The following SAG variants were observed in gnomAD, a reference collection of about 807,000 sequenced individuals.
SAG encodes S-arrestin.
SAG carries 45 observed loss-of-function variants against 55.0 expected under a neutral mutation model. The ratio of observed to expected loss-of-function variants is 0.82; its 90% CI spans 0.64 to 1.05. The LOEUF (loss-of-function observed/expected upper bound fraction) is 1.05, where lower values mean the gene tolerates loss of function less well. SAG is among the 50% of genes least tolerant of loss of function. SAG has a pLI of 0.00. For missense variants in SAG, 455 were observed against 512.1 expected, an observed-to-expected ratio of 0.89 and a Z score of 1.08; for synonymous variants, 189 against 197.4, an observed-to-expected ratio of 0.96 and a Z score of 0.36.
At chr2:233,315,480 A>G (rs1177421357) in intron 2 of SAG, among the ~76,000 whole-genome samples, 1 of 151,060 alleles carries the variant, frequency 6.6e-6, no homozygotes, top group African/African-American at 2.4e-5. Flanking sequence ...TTTAGTAGAG[A>G]CAGGGTTTCG....
chr2:233,327,744 T>G (rs895020688), intron 7 of SAG: 4 of 152,464 alleles, frequency 2.6e-5, no homozygotes, highest in Non-Finnish European at 4.4e-5. Context: ...AGAGATGGGT[T>G]TCACCATGTT....
In SAG at chr2:233,338,463, G is replaced by A. The variant is rs575856864; in HGVS notation, c.945-213G>A. ...GCTCTGCCCTCTGGGAACTTCTAGA[G>A]GAGAAGACACAGGAATTCCTCCAGT... On this transcript the variant is annotated intron_variant, in intron 11 of 15. Transcript: ENST00000409110. The A allele has an allele frequency of 5.3e-5, 31 of 584,152 alleles. 1 individual carries two copies. In the South Asian group the frequency reaches 6.1e-4, roughly 12 times the overall value. The allele number at this position is 584,152 out of a possible 1,614,324, so 36.2% of individuals were successfully genotyped here. A position where few individuals can be genotyped will look rare whatever the true frequency, so the allele number is the denominator to read the frequency against.
At chr2:233,339,680 C>T (rs1559453304) in intron 12 of SAG, among the ~76,000 whole-genome samples, 1 of 124,076 alleles carries the variant, frequency 8.1e-6, no homozygotes, top group East Asian at 2.1e-4. Context: ...TAGGGCTTGA[C>T]TTTTTTTTTT....
Position 233,342,319 on chromosome 2 carries a change from G to T in SAG, c.1095G>T (p.Glu365Asp), listed in dbSNP as rs1701130170. The change falls in exon 14 of 16, where the codon GAG becomes GAT. Residue 365 changes from glutamate to aspartate, a missense_variant. Glu to Asp is a conservative substitution (Grantham distance 45). Transcript: ENST00000409110. ...TCCGCCTCATGCACCCTCAGCCTGA[G>T]GACCCAGGTCAGTTATGTCCTTTTT... ...VPFRLMHPQP[E>D]DPAKESYQDA... 6.2e-7 allele frequency: 1 copy of T among 1,606,864 alleles called. No individual in the cohort carries two copies. The highest frequency in any genetic ancestry group is 8.5e-7 in the Non-Finnish European group (1 of 1,176,170).
At chr2:233,342,479 G>C (rs1701134497) in intron 14 of SAG, 153 bp downstream of exon 14, 1 of 687,860 alleles carries the variant, frequency 1.5e-6, no homozygotes, top group Non-Finnish European at 2.6e-6. Flanking sequence ...TAGTCTGGGG[G>C]GAAGGGAGGG....
intron 3 of SAG, 94 bp from the exon 4 acceptor site, chr2:233,318,657 C>T (rs1238329144): frequency 9.6e-7 from 1 of 1,046,012 alleles, no homozygotes; most frequent in Non-Finnish European, 1.5e-6. Context: ...ACATGGATTA[C>T]ATGTGTAATT....
chr2:233,318,613 C>A (rs936127785), intron 3 of SAG, 138 bp from the exon 4 acceptor site: 2 of 736,458 alleles, frequency 2.7e-6, no homozygotes, highest in South Asian at 3.5e-5. Flanking sequence ...GACTTTTTTC[C>A]CTTTGCCTGA....
chr2:233,318,459 C>T (rs564083298), intron 3 of SAG, among the ~76,000 whole-genome samples: 1 of 152,262 alleles, frequency 6.6e-6, no homozygotes, highest in East Asian at 1.9e-4. Context: ...TCTCGAACTC[C>T]TAGGCTCGAG....
intron 3 of SAG, 120 bp downstream of exon 3, chr2:233,316,255 C>T: frequency 1.7e-6 from 1 of 575,420 alleles, no homozygotes; most frequent in South Asian, 2.3e-5. Context: ...CAAATTAAAA[C>T]ATCAGTGAGG....
chr2:233,315,847 C>T (rs1465778993), intron 2 of SAG, among the ~76,000 whole-genome samples: 1 of 151,828 alleles, frequency 6.6e-6, no homozygotes, highest in Non-Finnish European at 1.5e-5. Context: ...GGACTACAGG[C>T]GCGTGCCACC....
rs753537233 is a variant in SAG, at chr2:233,318,862, G to A, written c.181+67G>A. 5 of 1,380,408 alleles carry A rather than the reference G, an allele frequency of 3.6e-6. No homozygotes were observed. The East Asian group carries it at 1.1e-4, about 32-fold the overall frequency. 85.5% of individuals were successfully genotyped at this position (1,380,408 alleles called of 1,614,324 possible). A position where few individuals can be genotyped will look rare whatever the true frequency, so the allele number is the denominator to read the frequency against. On this transcript the variant is annotated intron_variant, in intron 4 of 15. Coordinates refer to ENST00000409110, the MANE Select transcript of SAG (RefSeq NM_000541.5). ...GTGGACTGCTCTCTGGGCGGCTCTGGGAAGGGGCATTTACATGGAAGGAGA... is the reference window on the plus strand; with the variant it reads ...GTGGACTGCTCTCTGGGCGGCTCTGAGAAGGGGCATTTACATGGAAGGAGA...
chr2:233,310,647 C>A (rs751215642), intron 2 of SAG, among the ~76,000 whole-genome samples: 6 of 151,890 alleles, frequency 4.0e-5, no homozygotes, highest in African/African-American at 1.5e-4. Context: ...GCTGGGACTA[C>A]AGGCATGTGC....
At chr2:233,328,124 C>T (rs984386232) in intron 7 of SAG, 21 of 201,048 alleles carry the variant, frequency 1.0e-4, no homozygotes, top group African/African-American at 3.7e-4. Flanking sequence ...TAATGGAGCT[C>T]GCATGTATAT....
At chr2:233,322,890 C>T in intron 5 of SAG, 56 bp from the exon 6 acceptor site, 1 of 1,018,120 alleles carries the variant, frequency 9.8e-7, no homozygotes, top group Admixed American at 2.4e-5. Context: ...TTATATATTA[C>T]TTAATGGAAC....
intron 2 of SAG, among the ~76,000 whole-genome samples, chr2:233,315,825 C>T (rs914225940): frequency 4.0e-5 from 6 of 151,808 alleles, no homozygotes; most frequent in Non-Finnish European, 5.9e-5. Flanking sequence ...GCCTCAGCCT[C>T]TTGAGTAGCT....
intron 9 of SAG, among the ~76,000 whole-genome samples, chr2:233,330,952 C>T (rs1700741466): frequency 6.6e-6 from 1 of 152,080 alleles, no homozygotes; most frequent in Non-Finnish European, 1.5e-5. Flanking sequence ...TGGTTCACGC[C>T]TGTAATCCCA....
In SAG at chr2:233,320,052, G is replaced by T. The variant is rs920402529; in HGVS notation, c.182-578G>T. On this transcript the variant is annotated intron_variant, in intron 4 of 15. Coordinates refer to ENST00000409110, the MANE Select transcript of SAG (RefSeq NM_000541.5). ...TGTTCAACAAGTAGAATTTTCAGAA[G>T]TGGGGGTTTAGAGAATGCTCAGTAT... 7.8e-6 allele frequency: 7 copies of T among 895,180 alleles called. No individual in the cohort carries two copies. In the African/African-American group the frequency reaches 1.3e-4, roughly 16 times the overall value. The allele number at this position is 895,180 out of a possible 1,614,324, so 55.5% of individuals were successfully genotyped here. A position where few individuals can be genotyped will look rare whatever the true frequency, so the allele number is the denominator to read the frequency against.
At chr2:233,329,231 C>T (rs771006770) in intron 8 of SAG, 8 of 434,086 alleles carry the variant, frequency 1.8e-5, no homozygotes, top group Non-Finnish European at 3.4e-5. Flanking sequence ...TCACTTCACT[C>T]ATCCTGCCCC....
At position 233,340,487 on chromosome 2, in the gene SAG, GTTCACC is replaced by G; in HGVS notation, c.1046+13_1046+18del. 1 of 1,607,712 alleles carries G rather than the reference GTTCACC, an allele frequency of 6.2e-7. No individual in the cohort carries two copies. The highest frequency in any genetic ancestry group is 8.5e-7 in the Non-Finnish European group (1 of 1,176,042). On this transcript the variant is annotated intron_variant, in intron 13 of 15. Coordinates refer to ENST00000409110, the MANE Select transcript of SAG (RefSeq NM_000541.5). The surrounding 1 kb of genome is among the most constrained non-coding windows in gnomAD (Gnocchi z 4.2). ...GGAGAGCTCACCTCCAGGTAAGCCT[GTTCACC>G]TTCCTTGTTTGATTGTTTCTCAAGA...
Sources: gnomAD v4.1 joint callset for allele counts (sites outside exome capture counted in the v4.1 genomes callset) on GRCh38, gnomAD v4.1.1 for gene constraint, Gnocchi (gnomAD v3.1) non-coding constraint, MANE v1.5 for transcripts, NCBI Gene and HGNC (gene_info 2026-07-23, HGNC 2026-07-21) for gene names.